The following MICAL3 variants were observed in gnomAD, a reference collection of about 807,000 sequenced individuals.
MICAL3 encodes microtubule associated monooxygenase, calponin and LIM domain containing 3.
In MICAL3, 62 loss-of-function variants were observed where a neutral mutation model predicts 207.4. That is an observed-to-expected ratio of 0.30 (90% confidence interval 0.24 to 0.37). The LOEUF is 0.37. MICAL3 is among the 10% of genes least tolerant of loss of function. The pLI, the probability that MICAL3 is intolerant of heterozygous loss-of-function variation, is 1.00. For missense variants in MICAL3, 2,368 were observed against 2,635.6 expected (o/e 0.90, Z 2.22); for synonymous variants, 1,077 against 1,069.3 (o/e 1.01, Z -0.14).
intron 7 of MICAL3, among the ~76,000 whole-genome samples, chr22:17,897,472 C>T (rs941219362): frequency 3.7e-4 from 56 of 151,294 alleles, no homozygotes; most frequent in African/African-American, 1.3e-3. Flanking sequence ...GGATTATTCC[C>T]GAGAGAACAT....
At chr22:17,939,971 T>C (rs919400691) in intron 1 of MICAL3, among the ~76,000 whole-genome samples, 14 of 152,166 alleles carry the variant, frequency 9.2e-5, no homozygotes, top group African/African-American at 3.4e-4. Flanking sequence ...TTACTGAAGA[T>C]ACTAATAATC....
chr22:17,901,619 G>A (rs1380218807), intron 5 of MICAL3, among the ~76,000 whole-genome samples: 3 of 152,108 alleles, frequency 2.0e-5, no homozygotes, highest in South Asian at 2.1e-4. Context: ...TGCAGTGAGC[G>A]TGATCATGAT....
chr22:17,902,769 G>A lies in MICAL3; in HGVS notation c.473-22C>T, dbSNP rs761763776. On this transcript the variant is annotated intron_variant, in intron 3 of 31. Transcript: ENST00000441493. The surrounding 1 kb of genome is among the most constrained non-coding windows in gnomAD (Gnocchi z 4.5). ...ATACCTGGGAGAATACAGAGATGAC[G>A]TTGATGGGAACACATGGAGAAGGGG... The A allele has an allele frequency of 1.9e-5, 28 of 1,458,316 alleles. No homozygotes were observed. Among genetic ancestry groups the A allele is most frequent in the South Asian group, 3.6e-5 (3 of 83,108 alleles). 90.3% of individuals were successfully genotyped at this position (1,458,316 alleles called of 1,614,324 possible).
intron 1 of MICAL3, among the ~76,000 whole-genome samples, chr22:18,008,507 G>A (rs1028480386): frequency 6.6e-6 from 1 of 152,160 alleles, no homozygotes; most frequent in Non-Finnish European, 1.5e-5. Context: ...TTCCTGGGCT[G>A]CATTCATAGT....
chr22:17,946,855 T>C (rs1222335329), intron 1 of MICAL3, among the ~76,000 whole-genome samples: 1 of 152,224 alleles, frequency 6.6e-6, no homozygotes, highest in Non-Finnish European at 1.5e-5. Flanking sequence ...TGGTCTTTCC[T>C]GCCCTCTTCC....
chr22:17,999,977 G>C (rs527522309), intron 1 of MICAL3, among the ~76,000 whole-genome samples: 21 of 152,336 alleles, frequency 1.4e-4, no homozygotes, highest in Admixed American at 7.8e-4. Context: ...GGCATCCTCT[G>C]AGAGGGCTGC....
intron 25 of MICAL3, 66 bp downstream of exon 25, chr22:17,821,361 A>G: frequency 7.2e-7 from 1 of 1,384,170 alleles, no homozygotes; most frequent in South Asian, 1.3e-5. Flanking sequence ...TGAAACAGAG[A>G]AGTTAATATG....
At chr22:17,981,766 T>C (rs1321352113) in intron 1 of MICAL3, among the ~76,000 whole-genome samples, 1 of 152,222 alleles carries the variant, frequency 6.6e-6, no homozygotes, top group Non-Finnish European at 1.5e-5. Flanking sequence ...TTTGAGTATT[T>C]ATTACCTTTG....
At chr22:17,865,101 ATTTATTT>A (rs1295631792) in intron 18 of MICAL3, 115 bp from the exon 19 acceptor site, 1 of 628,114 alleles carries the variant, frequency 1.6e-6, no homozygotes, top group Non-Finnish European at 2.1e-6. Context: ...TTATTTATTT[ATTTATTT>A]ATTTATTTAT....
chr22:17,836,042 C>T (rs1198385623), intron 20 of MICAL3, among the ~76,000 whole-genome samples: 1 of 152,134 alleles, frequency 6.6e-6, no homozygotes, highest in Non-Finnish European at 1.5e-5. Context: ...AAAATCCCTC[C>T]TTGTCTCAGT....
In MICAL3 at chr22:17,790,467, C is replaced by A. The variant is rs770324544; in HGVS notation, c.*265G>T. 7.7e-6 allele frequency: 4 copies of A among 516,656 alleles called. No individual in the cohort carries two copies. Among genetic ancestry groups the A allele is most frequent in the East Asian group, 3.1e-5 (1 of 32,082 alleles). The allele number at this position is 516,656 out of a possible 1,614,324, so 32.0% of individuals were successfully genotyped here. On this transcript the variant is annotated 3_prime_UTR_variant, in exon 32 of 32. Transcript: ENST00000441493. ...AGGGAGCGCGCGGGGTGGTCCCCTG[C>A]GTCATGCCATACACGCCGTGCTGCT...
chr22:17,911,505 AGTC>A (rs1932142548), intron 1 of MICAL3, among the ~76,000 whole-genome samples: 1 of 152,164 alleles, frequency 6.6e-6, no homozygotes, highest in Admixed American at 6.5e-5. Context: ...TAGCCCATTC[AGTC>A]AGAGGTATGT....
At chr22:17,923,160 C>T (rs966044892) in intron 1 of MICAL3, among the ~76,000 whole-genome samples, 3 of 152,132 alleles carry the variant, frequency 2.0e-5, no homozygotes, top group Non-Finnish European at 4.4e-5. Context: ...TTCTTCTGCT[C>T]AAGGAATACT....
chr22:17,994,352 G>C (rs1922042557), intron 1 of MICAL3, among the ~76,000 whole-genome samples: 1 of 152,216 alleles, frequency 6.6e-6, no homozygotes, highest in Admixed American at 6.5e-5. Flanking sequence ...CCCTGACCAA[G>C]CTGCTCCTCC....
chr22:17,841,960 G>A lies in MICAL3; in HGVS notation c.2663C>T (p.Pro888Leu), dbSNP rs1258861618. Residue 888 changes from proline (P) to leucine (L), a missense_variant, in exon 20 of 32, where the codon CCA becomes CTA. Pro to Leu is a moderately conservative substitution (Grantham distance 98). This residue lies in a region of MICAL3 where 1,770 missense variants were observed against 1,863.2 expected (regional missense o/e 0.95). Transcript: ENST00000441493. This position sits in a 1 kb window ranked among gnomAD's most constrained non-coding sequence, Gnocchi z 4.2. ...PSIAKRLRGTPERIELENYRL... is the reference protein window; with the variant it reads ...PSIAKRLRGTLERIELENYRL... Reference sequence around the variant, plus strand: ...GTAGTTCTCCAGCTCGATCCGCTCTGGGGTGCCCCTCAGTCGCTTGGCGAT... The same window carrying A: ...GTAGTTCTCCAGCTCGATCCGCTCTAGGGTGCCCCTCAGTCGCTTGGCGAT... 4 of 1,607,044 alleles carry A rather than the reference G, an allele frequency of 2.5e-6. No individual in the cohort carries two copies. Among genetic ancestry groups the A allele is most frequent in the Admixed American group, 3.3e-5 (2 of 59,778 alleles).
intron 1 of MICAL3, among the ~76,000 whole-genome samples, chr22:18,018,826 A>T (rs1924248411): frequency 1.3e-5 from 2 of 152,296 alleles, no homozygotes; most frequent in South Asian, 4.1e-4. Flanking sequence ...AAACTGAAAC[A>T]CAAATCTCAG....
In MICAL3 at chr22:17,902,688, G is replaced by T. The variant is rs1331193326; in HGVS notation, c.532C>A (p.His178Asn). 1.2e-6 allele frequency: 2 copies of T among 1,607,692 alleles called. No homozygotes were observed. The highest frequency in any genetic ancestry group is 1.7e-6 in the Non-Finnish European group (2 of 1,176,690). Reference sequence around the variant, plus strand: ...AGTCCTTGGAATTCCACATTGACGTGGATTTCAATGCCTAGGATCAAGGCT... The same window carrying T: ...AGTCCTTGGAATTCCACATTGACGTTGATTTCAATGCCTAGGATCAAGGCT... The part of the protein sequence containing the change: ...KVALILGIEI[H>N]VNVEFQGLIQ... Residue 178 changes from histidine to asparagine, a missense_variant, in exon 4 of 32, where the codon CAC becomes AAC. Transcript: ENST00000441493. This position sits in a 1 kb window ranked among gnomAD's most constrained non-coding sequence, Gnocchi z 4.5.
intron 29 of MICAL3, chr22:17,803,912 T>C: frequency 2.4e-6 from 2 of 831,370 alleles, no homozygotes; most frequent in Non-Finnish European, 2.9e-6. Context: ...GTAGTCCTCC[T>C]GTCCCCCCAT....
At position 17,801,898 on chromosome 22, in the gene MICAL3, A is replaced by AAAAC. The variant is rs985741794; in HGVS notation, c.5650+6942_5650+6945dup. 3.3e-5 allele frequency among the ~76,000 whole-genome samples: 5 copies of AAAAC among 151,920 alleles called. No homozygotes were observed. The South Asian group carries it at 1.0e-3, about 32-fold the overall frequency. ...GACAGAGCGAGACTCCATCTCAAAA[A>AAAAC]AAACAAACAAACAACAACAACAACA... is the stretch of plus-strand genomic sequence containing the variant. On this transcript the variant is annotated intron_variant, in intron 29 of 31. Coordinates refer to ENST00000441493, the MANE Select transcript of MICAL3 (RefSeq NM_015241.3).
Sources: gnomAD v4.1 joint callset for allele counts (sites outside exome capture counted in the v4.1 genomes callset) on GRCh38, gnomAD v4.1.1 for gene constraint, gnomAD v4.1.1 regional missense constraint, Gnocchi (gnomAD v3.1) non-coding constraint, MANE v1.5 for transcripts, NCBI Gene and HGNC (gene_info 2026-07-23, HGNC 2026-07-21) for gene names.